Variants in ABCC6 observed in about 807,000 individuals in gnomAD.
The protein encoded by ABCC6 is ATP-binding cassette sub-family C member 6.
In ABCC6, 126 loss-of-function variants were observed where a neutral mutation model predicts 169.5. The observed-to-expected ratio is 0.74, with a 90% CI of 0.64 to 0.86. The LOEUF is 0.86. Among genes scored for constraint, ABCC6 ranks in the 40% least tolerant of loss-of-function variants. The pLI is 0.00. For synonymous variants in ABCC6, 752 were observed against 814.7 expected (o/e 0.92, Z 1.31); for missense variants, 1,733 against 1,927.2 (o/e 0.90, Z 1.89).
At position 16,169,802 on chromosome 16, in the gene ABCC6, A is replaced by G. The variant is rs1422112874; in HGVS notation, c.2839T>C (p.Cys947Arg). 4 of 1,574,292 alleles carry G rather than the reference A, an allele frequency of 2.5e-6. No homozygotes were observed. Among genetic ancestry groups the G allele is most frequent in the South Asian group, 1.2e-5 (1 of 86,300 alleles). The change falls in exon 22 of 31, where the codon TGC (cysteine) becomes CGC (arginine). Residue 947 changes from cysteine to arginine, a missense_variant. By Grantham distance (180) the Cys-to-Arg change is radical. Coordinates refer to ENST00000205557, the MANE Select transcript of ABCC6 (RefSeq NM_001171.6). ...AYLRAVGTPLCLYALFLFLCQ... is the reference protein window; with the variant it reads ...AYLRAVGTPLRLYALFLFLCQ... Reference sequence around the variant, plus strand: ...AGGAAGAGGAAGAGTGCGTAGAGGCAGAGGGGGGTGCCCACGGCACGCAGG... The same window carrying G: ...AGGAAGAGGAAGAGTGCGTAGAGGCGGAGGGGGGTGCCCACGGCACGCAGG...
intron 22 of ABCC6, 118 bp downstream of exon 22, chr16:16,169,528 C>A: frequency 8.3e-7 from 1 of 1,207,288 alleles, no homozygotes; most frequent in Non-Finnish European, 1.2e-6. Flanking sequence ...GGACCCCAGA[C>A]GTTTTGCACA....
intron 25 of ABCC6, among the ~76,000 whole-genome samples, chr16:16,161,130 C>T (rs556912263): frequency 1.3e-5 from 2 of 152,302 alleles, no homozygotes; most frequent in East Asian, 1.9e-4. Flanking sequence ...GTTAACAATG[C>T]ACTAGAAATG....
intron 29 of ABCC6, among the ~76,000 whole-genome samples, chr16:16,152,901 T>C (rs1484574971): frequency 7.8e-6 from 1 of 128,060 alleles, no homozygotes; most frequent in Non-Finnish European, 1.8e-5. Flanking sequence ...CTTAGGTTTT[T>C]TTTTGTTTTT....
At chr16:16,150,446 A>G in intron 30 of ABCC6, 132 bp downstream of exon 30, 1 of 1,498,620 alleles carries the variant, frequency 6.7e-7, no homozygotes. Context: ...GTTCCCGGGC[A>G]TTCCTCCCGC....
chr16:16,188,988 G>A lies in ABCC6; in HGVS notation c.1636-14C>T. ...CACCAGTGCGACCTGGGGGGTGGGG[G>A]GGACACGTGGGGCAACAGTGAGACA... On this transcript the variant is annotated splice_polypyrimidine_tract_variant and intron_variant, in intron 12 of 30. Coordinates refer to ENST00000205557, the MANE Select transcript of ABCC6 (RefSeq NM_001171.6). The A allele has an allele frequency of 6.2e-7, 1 of 1,613,404 alleles. No individual in the cohort carries two copies. The highest frequency in any genetic ancestry group is 8.5e-7 in the Non-Finnish European group (1 of 1,179,986).
chr16:16,196,158 C>T lies in ABCC6; in HGVS notation c.1338+1863G>A, dbSNP rs531149423. 7.0e-4 allele frequency among the ~76,000 whole-genome samples: 100 copies of T among 141,966 alleles called. No homozygotes were observed. The South Asian group carries it at 8.1e-3, about 11-fold the overall frequency. The allele number at this position is 141,966 out of a possible 152,430, so 93.1% of individuals were successfully genotyped here. A position where few individuals can be genotyped will look rare whatever the true frequency, so the allele number is the denominator to read the frequency against. ...CTGGGAGGTGGAGGTTGCAGTGAGC[C>T]GAAGTTGTGCCATTGCACCAAAGCC... On this transcript the variant is annotated intron_variant, in intron 10 of 30. Transcript: ENST00000205557.
intron 26 of ABCC6, 122 bp from the exon 27 acceptor site, chr16:16,157,931 AG>A: frequency 8.9e-7 from 1 of 1,127,146 alleles, no homozygotes; most frequent in Non-Finnish European, 1.2e-6. Flanking sequence ...GCTGTTTTAC[AG>A]GGTTGTTATG....
chr16:16,203,625 G>A lies in ABCC6; in HGVS notation c.795-12C>T, dbSNP rs1371065678. On this transcript the variant is annotated splice_polypyrimidine_tract_variant and intron_variant, in intron 7 of 30. Transcript: ENST00000205557. Reference sequence around the variant, plus strand: ...TTGCCTTGTTGTGCCTGAGGGGAAGGGAGAGATTAGCTCTGGGTCCCATTT... The same window carrying A: ...TTGCCTTGTTGTGCCTGAGGGGAAGAGAGAGATTAGCTCTGGGTCCCATTT... 2 of 1,613,698 alleles carry A rather than the reference G, an allele frequency of 1.2e-6. No individual in the cohort carries two copies. Among genetic ancestry groups the A allele is most frequent in the East Asian group, 2.2e-5 (1 of 44,902 alleles).
chr16:16,161,627 G>C, intron 24 of ABCC6, 63 bp from the exon 25 acceptor site: 1 of 1,608,494 alleles, frequency 6.2e-7, no homozygotes, highest in South Asian at 1.1e-5. Context: ...TGCTTCTCTG[G>C]GCACAAGGAC....
At position 16,157,930 on chromosome 16, in the gene ABCC6, C is replaced by A. The variant is rs1469275551; in HGVS notation, c.3736-121G>T. On this transcript the variant is annotated intron_variant, in intron 26 of 30. Coordinates refer to ENST00000205557, the MANE Select transcript of ABCC6 (RefSeq NM_001171.6). ...AATGGACGTATTTATTGCTGTTTTA[C>A]AGGGTTGTTATGGGAATTCAACAAG... 2.6e-6 allele frequency: 3 copies of A among 1,136,186 alleles called. No homozygotes were observed. In the East Asian group the frequency reaches 7.7e-5, roughly 29 times the overall value. 70.4% of individuals were successfully genotyped at this position (1,136,186 alleles called of 1,614,324 possible).
chr16:16,190,458 C>G, intron 11 of ABCC6, 91 bp from the exon 12 acceptor site: 3 of 1,440,686 alleles, frequency 2.1e-6, no homozygotes, highest in Non-Finnish European at 1.9e-6. Context: ...AAATCCCATT[C>G]ATCTCACCAA....
At chr16:16,173,203 A>G (rs1454526406) in intron 21 of ABCC6, 81 bp downstream of exon 21, 24 of 1,589,358 alleles carry the variant, frequency 1.5e-5, no homozygotes, top group Non-Finnish European at 1.9e-5. Context: ...ATCACTGCCA[A>G]GTGCTACATT....
At position 16,182,827 on chromosome 16, in the gene ABCC6, C is replaced by A. The variant is rs150128722; in HGVS notation, c.2047G>T (p.Val683Leu). 3 of 1,614,034 alleles carry A rather than the reference C, an allele frequency of 1.9e-6. No individual in the cohort carries two copies. In the African/African-American group the frequency reaches 4.0e-5, roughly 22 times the overall value. ...LSALLGELSK[V>L]EGFVSIEGAV... ...ACCTCGATGCTCACGAACCCCTCCA[C>A]CTTTGACAGCTCCCCAAGGAGGGCG... The change falls in exon 16 of 31, where the codon GTG becomes TTG. Residue 683 changes from valine to leucine, a missense_variant. Val to Leu is a conservative substitution (Grantham distance 32, BLOSUM62 1). This residue lies in a region of ABCC6 where 1,601 missense variants were observed against 1,635.5 expected (regional missense o/e 0.98). Transcript: ENST00000205557.
intron 30 of ABCC6, 100 bp from the exon 31 acceptor site, chr16:16,150,341 A>G: frequency 6.3e-7 from 1 of 1,576,108 alleles, no homozygotes; most frequent in Non-Finnish European, 8.6e-7. Context: ...TTCTCCATAG[A>G]AGTCCTGCTT....
intron 15 of ABCC6, among the ~76,000 whole-genome samples, 153 bp from the exon 16 acceptor site, chr16:16,183,083 T>C (rs2047534488): frequency 6.6e-6 from 1 of 152,168 alleles, no homozygotes; most frequent in South Asian, 2.1e-4. Flanking sequence ...TGTCTAGCTA[T>C]TTGAGGAACT....
intron 27 of ABCC6, among the ~76,000 whole-genome samples, chr16:16,157,113 A>G (rs1457557847): frequency 1.3e-5 from 2 of 152,084 alleles, no homozygotes; most frequent in Non-Finnish European, 2.9e-5. Flanking sequence ...AAAATGGGAT[A>G]GTACTAGCAC....
chr16:16,175,048 G>A (rs1199433124), intron 20 of ABCC6, among the ~76,000 whole-genome samples: 2 of 151,860 alleles, frequency 1.3e-5, no homozygotes, highest in African/African-American at 4.8e-5. Flanking sequence ...CAAAGTGCTG[G>A]GATTACAGGT....
chr16:16,188,055 G>A (rs952188096), intron 13 of ABCC6, among the ~76,000 whole-genome samples: 4 of 151,768 alleles, frequency 2.6e-5, no homozygotes, highest in Admixed American at 2.6e-4. Flanking sequence ...TGGCCAACAT[G>A]GTGAAACCCT....
intron 11 of ABCC6, 39 bp downstream of exon 11, chr16:16,192,791 T>C (rs369421294): frequency 3.2e-5 from 50 of 1,576,056 alleles, no homozygotes; most frequent in Non-Finnish European, 4.0e-5. Context: ...GCTTCCTCCC[T>C]ACTTCCTGCC....
Sources: allele counts gnomAD v4.1 joint callset (sites outside exome capture counted in the v4.1 genomes callset), GRCh38; gene constraint gnomAD v4.1.1; regional missense constraint gnomAD v4.1.1; transcripts MANE v1.5; gene names NCBI Gene and HGNC (gene_info 2026-07-23, HGNC 2026-07-21).